CDH20: variants seen among roughly 807,000 people sequenced by gnomAD.
The protein encoded by CDH20 is cadherin-20.
Under a neutral mutation model 74.2 loss-of-function variants are expected in CDH20, and 29 were observed. The ratio of observed to expected loss-of-function variants is 0.39; its 90% CI spans 0.29 to 0.53. CDH20 has a LOEUF of 0.53. Among genes scored for constraint, CDH20 ranks in the 20% least tolerant of loss-of-function variants. CDH20 has a pLI of 0.69. For synonymous variants in CDH20, 469 were observed against 405.4 expected (o/e 1.16, Z -1.88); for missense variants, 988 against 1,048.3 (o/e 0.94, Z 0.79).
Position 61,461,744 on chromosome 18 carries a change from A to T in CDH20, c.-152-28658A>T, listed in dbSNP as rs184502107. ...GGGAGCAGGCCAAGTAGAGGGGCTCAAGAGCCCTGTTACAGAATTTTCTGG... is the reference window on the plus strand; with the variant it reads ...GGGAGCAGGCCAAGTAGAGGGGCTCTAGAGCCCTGTTACAGAATTTTCTGG... On this transcript the variant is annotated intron_variant, in intron 1 of 11. Coordinates refer to ENST00000262717, the MANE Select transcript of CDH20 (RefSeq NM_031891.4). Among the ~76,000 whole-genome samples the T allele has an allele frequency of 1.1e-4, 17 of 152,326 alleles. No individual in the cohort carries two copies. In the East Asian group the frequency reaches 3.1e-3, roughly 28 times the overall value.
chr18:61,512,659 T>C (rs1218304985), intron 6 of CDH20, among the ~76,000 whole-genome samples: 1 of 152,232 alleles, frequency 6.6e-6, no homozygotes, highest in Non-Finnish European at 1.5e-5. Context: ...ATATAATATA[T>C]TTAAAGACAT....
intron 10 of CDH20, 119 bp from the exon 11 acceptor site, chr18:61,549,859 A>C: frequency 1.9e-6 from 2 of 1,048,924 alleles, no homozygotes; most frequent in South Asian, 3.1e-5. Flanking sequence ...GACCACTACC[A>C]GGGAATATCT....
intron 1 of CDH20, among the ~76,000 whole-genome samples, chr18:61,334,719 C>CTTGTT (rs1410058706): frequency 6.6e-6 from 1 of 151,998 alleles, no homozygotes; most frequent in African/African-American, 2.4e-5. Flanking sequence ...GCGTCAGAGC[C>CTTGTT]TTGTTTTGTT....
intron 1 of CDH20, among the ~76,000 whole-genome samples, chr18:61,411,148 G>A (rs553787647): frequency 2.6e-5 from 4 of 151,082 alleles, no homozygotes; most frequent in Non-Finnish European, 5.9e-5. Flanking sequence ...GCAGTGAGCC[G>A]AGATACGCCA....
chr18:61,481,121 C>T (rs1467833745), intron 1 of CDH20, among the ~76,000 whole-genome samples: 2 of 152,038 alleles, frequency 1.3e-5, no homozygotes, highest in Admixed American at 1.3e-4. Context: ...CCAAGTACTG[C>T]CCATAGATAC....
chr18:61,554,354 G>A lies in CDH20; in HGVS notation c.2065G>A (p.Ala689Thr), dbSNP rs768163433. 4 of 1,613,120 alleles carry A rather than the reference G, an allele frequency of 2.5e-6. No individual in the cohort carries two copies. The highest frequency in any genetic ancestry group is 2.2e-5 in the East Asian group (1 of 44,876). Residue 689 changes from alanine to threonine, a missense_variant, in exon 12 of 12, where the codon GCG (alanine) becomes ACG (threonine). Ala to Thr is a moderately conservative substitution (Grantham distance 58, BLOSUM62 0). This residue lies in a region of CDH20 where 375 missense variants were observed against 293.1 expected (regional missense o/e 1.28). Transcript: ENST00000262717. ...CGCGGCCATGTGGAACCCCCGGGAG[G>A]CGCAGGCGGGGGCCGCCCCCAAGAC... ...DIAAMWNPREAQAGAAPKTRQ... is the reference protein window; with the variant it reads ...DIAAMWNPRETQAGAAPKTRQ...
At chr18:61,392,460 C>A (rs1439039545) in intron 1 of CDH20, among the ~76,000 whole-genome samples, 2 of 152,132 alleles carry the variant, frequency 1.3e-5, no homozygotes, top group African/African-American at 4.8e-5. Context: ...GTCCTGGAAC[C>A]AATCCCCATG....
rs1028208520 is a variant in CDH20 at position 61,554,194 on chromosome 18, G to A, written c.1905G>A (p.Leu635=). The A allele has an allele frequency of 7.5e-6, 12 of 1,608,868 alleles. No homozygotes were observed. The Admixed American group carries it at 1.5e-4, about 20-fold the overall frequency. ...TCTCCTTTTTGTTCCTGGCAGTGCT[G>A]GTGTTGCTCATTTTGTCCATGAGGC... ...ILACIFVLLV[L]VLLILSMRRH... The change falls in exon 12 of 12, where the codon CTG becomes CTA. Residue 635 remains leucine (L), a synonymous_variant. Transcript: ENST00000262717.
chr18:61,354,125 G>C (rs2144119213), intron 1 of CDH20, among the ~76,000 whole-genome samples: 1 of 152,238 alleles, frequency 6.6e-6, no homozygotes. Context: ...CCAGGGCACA[G>C]CAGCCATTCA....
intron 1 of CDH20, among the ~76,000 whole-genome samples, chr18:61,376,938 A>G (rs2144170471): frequency 6.6e-6 from 1 of 152,248 alleles, no homozygotes; most frequent in South Asian, 2.1e-4. Flanking sequence ...CTGCTGTTTC[A>G]TTAAGAAGGA....
chr18:61,476,170 G>A (rs1034996190), intron 1 of CDH20, among the ~76,000 whole-genome samples: 2 of 152,160 alleles, frequency 1.3e-5, no homozygotes, highest in Admixed American at 6.6e-5. Context: ...CCAAGAGAAT[G>A]CCGCAGAAGA....
chr18:61,361,881 C>G (rs1308765588), intron 1 of CDH20, among the ~76,000 whole-genome samples: 1 of 152,194 alleles, frequency 6.6e-6, no homozygotes, highest in Non-Finnish European at 1.5e-5. Flanking sequence ...CTAAGATGAT[C>G]TCTGGCATTC....
Position 61,421,722 on chromosome 18 carries a change from T to C in CDH20, c.-152-68680T>C, listed in dbSNP as rs1196183386. On this transcript the variant is annotated intron_variant, in intron 1 of 11. Transcript: ENST00000262717. ...TTAACCTGACCTGATTATATGAATG[T>C]ATCAAATTATCACATGTACCTCAAA... is the stretch of plus-strand genomic sequence containing the variant. Among the ~76,000 whole-genome samples the C allele has an allele frequency of 3.9e-5, 6 of 152,186 alleles. No homozygotes were observed. The East Asian group carries it at 1.2e-3, about 29-fold the overall frequency.
At chr18:61,355,165 T>G (rs540105449) in intron 1 of CDH20, among the ~76,000 whole-genome samples, 1 of 152,382 alleles carries the variant, frequency 6.6e-6, no homozygotes, top group East Asian at 1.9e-4. Context: ...ATACTGCTGT[T>G]TGTATTTATA....
chr18:61,434,627 C>T (rs1474954100), intron 1 of CDH20, among the ~76,000 whole-genome samples: 1 of 152,036 alleles, frequency 6.6e-6, no homozygotes, highest in Non-Finnish European at 1.5e-5. Context: ...AAAATTTGTC[C>T]TGGGAGGTCT....
At chr18:61,362,301 T>C (rs1910719057) in intron 1 of CDH20, among the ~76,000 whole-genome samples, 1 of 152,210 alleles carries the variant, frequency 6.6e-6, no homozygotes, top group African/African-American at 2.4e-5. Context: ...TTCTGCATTA[T>C]ACATATGGAA....
chr18:61,516,516 A>T (rs1055684792), intron 6 of CDH20, among the ~76,000 whole-genome samples: 2 of 152,194 alleles, frequency 1.3e-5, no homozygotes, highest in African/African-American at 4.8e-5. Context: ...ATTTTGTGCC[A>T]TAATTTTCAT....
chr18:61,336,820 G>GA (rs1197160932), intron 1 of CDH20, among the ~76,000 whole-genome samples: 3 of 150,936 alleles, frequency 2.0e-5, no homozygotes, highest in African/African-American at 7.3e-5. Flanking sequence ...GAATATATGG[G>GA]GGGGGGTGAT....
intron 1 of CDH20, among the ~76,000 whole-genome samples, chr18:61,381,971 C>G (rs1329288224): frequency 1.3e-5 from 2 of 152,172 alleles, no homozygotes; most frequent in Non-Finnish European, 2.9e-5. Flanking sequence ...ACTACTACCC[C>G]CCCCAGTATG....
Sources: allele counts gnomAD v4.1 joint callset (sites outside exome capture counted in the v4.1 genomes callset), GRCh38; gene constraint gnomAD v4.1.1; regional missense constraint gnomAD v4.1.1; transcripts MANE v1.5; gene names NCBI Gene and HGNC (gene_info 2026-07-23, HGNC 2026-07-21).